Variants in DGCR2 observed in about 807,000 individuals in gnomAD.
DGCR2 encodes integral membrane protein DGCR2/IDD.
In DGCR2, 24 loss-of-function variants were observed where a neutral mutation model predicts 51.6. That is an observed-to-expected ratio of 0.47 (90% confidence interval 0.34 to 0.65). The LOEUF is 0.65. Ranked by LOEUF, DGCR2 falls within the 30% of genes least tolerant of loss-of-function variation. The probability of loss-of-function intolerance (pLI) is 0.01; values close to 1 mark genes in which losing one functional copy is unlikely to be tolerated. For missense variants in DGCR2, 765 were observed against 772.1 expected, an observed-to-expected ratio of 0.99 and a Z score of 0.11; for synonymous variants, 340 against 315.4, an observed-to-expected ratio of 1.08 and a Z score of -0.82.
At chr22:19,099,946 G>A (rs1345882224) in intron 1 of DGCR2, among the ~76,000 whole-genome samples, 1 of 143,684 alleles carries the variant, frequency 7.0e-6, no homozygotes, top group Non-Finnish European at 1.5e-5. Flanking sequence ...CTCCAGCCTG[G>A]ACGACAGAGC....
At chr22:19,092,999 A>AAGG (rs1344745004) in intron 1 of DGCR2, among the ~76,000 whole-genome samples, 2 of 149,096 alleles carry the variant, frequency 1.3e-5, no homozygotes, top group Non-Finnish European at 3.0e-5. Context: ...AGAAGAGAAG[A>AAGG]AGGAGGAGGA....
chr22:19,118,245 G>A (rs879482387), intron 1 of DGCR2, among the ~76,000 whole-genome samples: 6 of 152,046 alleles, frequency 3.9e-5, no homozygotes, highest in South Asian at 2.1e-4. Flanking sequence ...GGTGGCGTGC[G>A]CCGTAATCAA....
At chr22:19,049,073 A>C (rs1038803711) in intron 6 of DGCR2, among the ~76,000 whole-genome samples, 13 of 152,236 alleles carry the variant, frequency 8.5e-5, no homozygotes, top group Non-Finnish European at 7.3e-5. Context: ...GGGCAAATGG[A>C]GGCCGGAGAG....
At position 19,038,952 on chromosome 22, in the gene DGCR2, G is replaced by C; in HGVS notation, c.1566C>G (p.Asp522Glu). 1 of 1,612,430 alleles carries C rather than the reference G, an allele frequency of 6.2e-7. No individual in the cohort carries two copies. Among genetic ancestry groups the C allele is most frequent in the Non-Finnish European group, 8.5e-7 (1 of 1,179,710 alleles). ...DSSSALLVPP[D>E]PAQSGSTPAA... ...CTGGGGTGCTCCCGCTCTGGGCAGG[G>C]TCAGGGGGCACGAGCAGGGCGCTGC... The change falls in exon 10 of 10, where the codon GAC (aspartate) becomes GAG (glutamate). Residue 522 changes from aspartate to glutamate, a missense_variant. This residue lies in a region of DGCR2 where 205 missense variants were observed against 181.4 expected (regional missense o/e 1.13). Coordinates refer to ENST00000263196, the MANE Select transcript of DGCR2 (RefSeq NM_005137.3).
At chr22:19,067,425 G>A (rs185106799) in intron 3 of DGCR2, among the ~76,000 whole-genome samples, 4 of 152,270 alleles carry the variant, frequency 2.6e-5, no homozygotes, top group African/African-American at 9.6e-5. Context: ...GGACACAGTG[G>A]CTCATGCCTG....
intron 1 of DGCR2, among the ~76,000 whole-genome samples, chr22:19,110,465 T>A (rs115093869): frequency 6.6e-6 from 1 of 151,946 alleles, no homozygotes; most frequent in African/African-American, 2.4e-5. Context: ...AAGGTTCACA[T>A]TGAAAAGGCG....
chr22:19,064,101 T>C (rs1188457483), intron 4 of DGCR2, among the ~76,000 whole-genome samples: 2 of 152,220 alleles, frequency 1.3e-5, no homozygotes, highest in Non-Finnish European at 2.9e-5. Context: ...CTAGTCCATG[T>C]CCCTTGGCCC....
chr22:19,045,444 T>C (rs2082478956), intron 7 of DGCR2: 1 of 152,278 alleles, frequency 6.6e-6, no homozygotes, highest in African/African-American at 2.4e-5. Flanking sequence ...CACTGATCTA[T>C]GTGTCTGCCC....
At chr22:19,061,765 T>C (rs2238742) in intron 5 of DGCR2, 62,126 of 152,122 alleles carry the variant, frequency 0.41, 13,155 homozygotes, top group African/African-American at 0.53. Context: ...AAGCAGGCAG[T>C]GGCACATGGT....
chr22:19,045,712 G>A (rs1412246588), intron 7 of DGCR2, among the ~76,000 whole-genome samples: 1 of 152,054 alleles, frequency 6.6e-6, no homozygotes, highest in Middle Eastern at 3.2e-3. Context: ...GGCATGAGCC[G>A]CTGAACCCAG....
At chr22:19,069,423 G>A (rs1043730589) in intron 2 of DGCR2, among the ~76,000 whole-genome samples, 11 of 152,148 alleles carry the variant, frequency 7.2e-5, no homozygotes, top group African/African-American at 2.7e-4. Context: ...CATTCAATGT[G>A]AAATGCTTGA....
At chr22:19,081,289 CA>C (rs1300844181) in intron 2 of DGCR2, among the ~76,000 whole-genome samples, 1 of 152,204 alleles carries the variant, frequency 6.6e-6, no homozygotes, top group African/African-American at 2.4e-5. Flanking sequence ...TCTGTCTCTC[CA>C]CCAGGAACTA....
chr22:19,109,338 T>A (rs1601305518), intron 1 of DGCR2, among the ~76,000 whole-genome samples: 1 of 152,318 alleles, frequency 6.6e-6, no homozygotes, highest in African/African-American at 2.4e-5. Context: ...CTCAAAGATA[T>A]ATTCATATAC....
At chr22:19,049,005 G>A (rs948504361) in intron 6 of DGCR2, among the ~76,000 whole-genome samples, 1 of 152,204 alleles carries the variant, frequency 6.6e-6, no homozygotes, top group African/African-American at 2.4e-5. Flanking sequence ...CATGGCACAG[G>A]GAGTGGCTGT....
intron 2 of DGCR2, among the ~76,000 whole-genome samples, chr22:19,084,692 G>C: frequency 9.1e-6 from 1 of 110,186 alleles, no homozygotes; most frequent in African/African-American, 3.2e-5. Context: ...CGCCCGGCCA[G>C]CTGCCCCGTC....
intron 1 of DGCR2, among the ~76,000 whole-genome samples, chr22:19,102,826 T>C (rs552855708): frequency 7.2e-5 from 11 of 152,000 alleles, no homozygotes; most frequent in African/African-American, 2.4e-4. Context: ...GACAACATAG[T>C]GAGACCTCAT....
chr22:19,040,010 G>C (rs1455044111), intron 9 of DGCR2, among the ~76,000 whole-genome samples: 1 of 152,120 alleles, frequency 6.6e-6, no homozygotes, highest in Non-Finnish European at 1.5e-5. Context: ...CTGCGCCTGG[G>C]CTGCCTGCTT....
chr22:19,048,298 T>A (rs2082511913), intron 7 of DGCR2, 142 bp downstream of exon 7: 1 of 847,758 alleles, frequency 1.2e-6, no homozygotes, highest in Non-Finnish European at 1.9e-6. Flanking sequence ...CTCTGAGACA[T>A]CTCTGTGACA....
intron 1 of DGCR2, among the ~76,000 whole-genome samples, chr22:19,101,674 G>A (rs2800964): frequency 0.41 from 61,704 of 149,278 alleles, 13,220 homozygotes; most frequent in African/African-American, 0.54. Context: ...CAGGGAGATG[G>A]AGGTTGCAGT....
Sources: gnomAD v4.1 joint callset for allele counts (sites outside exome capture counted in the v4.1 genomes callset) on GRCh38, gnomAD v4.1.1 for gene constraint, gnomAD v4.1.1 regional missense constraint, MANE v1.5 for transcripts, NCBI Gene and HGNC (gene_info 2026-07-23, HGNC 2026-07-21) for gene names.